PLEKHA5: variants seen among roughly 807,000 people sequenced by gnomAD.
PLEKHA5 encodes pleckstrin homology domain containing A5, also known as pleckstrin homology domain-containing family A member 5.
Under a neutral mutation model 181.9 loss-of-function variants are expected in PLEKHA5, and 55 were observed. The ratio of observed to expected loss-of-function variants is 0.30; its 90% confidence interval spans 0.24 to 0.38. The LOEUF (loss-of-function observed/expected upper bound fraction) is 0.38. PLEKHA5 is among the 10% of genes least tolerant of loss of function. PLEKHA5 has a pLI of 1.00. For synonymous variants in PLEKHA5, 535 were observed against 529.4 expected, an observed-to-expected ratio of 1.01 and a Z score of -0.15; for missense variants, 1,432 against 1,549.5, an observed-to-expected ratio of 0.92 and a Z score of 1.27.
chr12:19,148,929 A>G (rs1028017867), intron 3 of PLEKHA5, among the ~76,000 whole-genome samples: 2 of 152,180 alleles, frequency 1.3e-5, no homozygotes, highest in African/African-American at 4.8e-5. Context: ...TCTGGCTGCT[A>G]TTCCTTTCTC....
chr12:19,140,243 T>G (rs2036862412), intron 3 of PLEKHA5, among the ~76,000 whole-genome samples: 1 of 152,220 alleles, frequency 6.6e-6, no homozygotes, highest in Non-Finnish European at 1.5e-5. Flanking sequence ...ATAAATCCTC[T>G]AAGCAAAAAG....
chr12:19,244,323 CTT>C (rs1261196847), intron 3 of PLEKHA5, among the ~76,000 whole-genome samples: 4 of 151,296 alleles, frequency 2.6e-5, no homozygotes, highest in African/African-American at 4.8e-5. Flanking sequence ...TTATGGTACT[CTT>C]TTTGGTTTCA....
At chr12:19,272,659 C>A (rs1286175621) in intron 10 of PLEKHA5, among the ~76,000 whole-genome samples, 1 of 152,036 alleles carries the variant, frequency 6.6e-6, no homozygotes. Context: ...ATCACTTGAG[C>A]CCAGAAAGTT....
chr12:19,143,272 C>A (rs1470250015), intron 3 of PLEKHA5, among the ~76,000 whole-genome samples: 1 of 152,204 alleles, frequency 6.6e-6, no homozygotes, highest in Admixed American at 6.5e-5. Context: ...CTTTTTTCTG[C>A]ACCTTGCAGG....
Position 19,314,867 on chromosome 12 carries a change from G to T in PLEKHA5, c.2091G>T (p.Ser697=). 2 of 1,547,358 alleles carry T rather than the reference G, an allele frequency of 1.3e-6. No homozygotes were observed. The highest frequency in any genetic ancestry group is 1.7e-6 in the Non-Finnish European group (2 of 1,143,214). ...ITMVHTMIEN[S]ALRPQLYQQF... is the part of the protein sequence containing the mutation. ...TGGTTCACACAATGATTGAGAACTC[G>T]GCGCTAAGACCCCAACTGTACCAGC... Residue 697 remains serine, a synonymous_variant, in exon 16 of 32, where the codon TCG becomes TCT. Coordinates refer to ENST00000429027, the MANE Select transcript of PLEKHA5 (RefSeq NM_001256470.2).
chr12:19,337,548 CAAAAAAAAA>C (rs1157232818), intron 21 of PLEKHA5, among the ~76,000 whole-genome samples: 1 of 61,688 alleles, frequency 1.6e-5, no homozygotes, highest in South Asian at 5.3e-4. Flanking sequence ...GACTCTATCT[CAAAAAAAAA>C]AAAAAAAAAA....
At chr12:19,223,936 T>C (rs974930556) in intron 3 of PLEKHA5, among the ~76,000 whole-genome samples, 1 of 152,168 alleles carries the variant, frequency 6.6e-6, no homozygotes, top group Non-Finnish European at 1.5e-5. Context: ...ATACTTTGAA[T>C]ATCACTCATC....
intron 3 of PLEKHA5, among the ~76,000 whole-genome samples, chr12:19,222,166 C>T (rs186906664): frequency 3.3e-5 from 5 of 151,966 alleles, no homozygotes; most frequent in Admixed American, 3.3e-4. Flanking sequence ...TGTATACATA[C>T]TTATATATAT....
At chr12:19,349,057 CTT>C (rs916534151) in intron 25 of PLEKHA5, among the ~76,000 whole-genome samples, 3 of 138,568 alleles carry the variant, frequency 2.2e-5, no homozygotes, top group Middle Eastern at 3.7e-3. Flanking sequence ...GGAGAGTTTT[CTT>C]TTTTTTTTTT....
intron 2 of PLEKHA5, among the ~76,000 whole-genome samples, chr12:19,131,621 G>A (rs2033870413): frequency 6.6e-6 from 1 of 151,492 alleles, no homozygotes; most frequent in Non-Finnish European, 1.5e-5. Flanking sequence ...TAACCCCACA[G>A]ATTTGGTAAC....
At chr12:19,180,356 C>T (rs929958122) in intron 3 of PLEKHA5, among the ~76,000 whole-genome samples, 2 of 152,092 alleles carry the variant, frequency 1.3e-5, no homozygotes, top group Non-Finnish European at 2.9e-5. Flanking sequence ...CAGCAGAAAA[C>T]CCCTCTATTT....
At chr12:19,173,451 A>G (rs2046460185) in intron 3 of PLEKHA5, among the ~76,000 whole-genome samples, 1 of 65,052 alleles carries the variant, frequency 1.5e-5, no homozygotes, top group African/African-American at 4.2e-5. Flanking sequence ...TAGTAAAGAA[A>G]GGATTCTCCA....
intron 20 of PLEKHA5, among the ~76,000 whole-genome samples, chr12:19,328,558 A>AGT (rs56041821): frequency 0.04 from 5,635 of 141,720 alleles, 122 homozygotes; most frequent in East Asian, 0.091. Flanking sequence ...CTTTCCTAGG[A>AGT]GTGTGTGTGT....
chr12:19,309,127 A>AT (rs1408880654), intron 15 of PLEKHA5, among the ~76,000 whole-genome samples: 4 of 152,088 alleles, frequency 2.6e-5, no homozygotes, highest in African/African-American at 9.7e-5. Flanking sequence ...AATTTTTGTG[A>AT]TTTTGGTTTA....
At chr12:19,269,696 C>A in intron 8 of PLEKHA5, 74 bp from the exon 9 acceptor site, 1 of 679,150 alleles carries the variant, frequency 1.5e-6, no homozygotes, top group South Asian at 2.3e-5. Flanking sequence ...TGTCAGGAAT[C>A]ACTTACCTTT....
Position 19,130,008 on chromosome 12 carries a change from C to A in PLEKHA5, c.90-43C>A. On this transcript the variant is annotated intron_variant, in intron 1 of 31. Transcript: ENST00000429027. The surrounding 1 kb of genome is among the most constrained non-coding windows in gnomAD (Gnocchi z 4.5). ...GCAGCCCCTCGGCTCGCCCCCGCGTCCCCTCTCACGCTCCGTGTCTGCCCC... is the reference window on the plus strand; with the variant it reads ...GCAGCCCCTCGGCTCGCCCCCGCGTACCCTCTCACGCTCCGTGTCTGCCCC... 6.6e-7 allele frequency: 1 copy of A among 1,504,704 alleles called. No individual in the cohort carries two copies. The highest frequency in any genetic ancestry group is 9.0e-7 in the Non-Finnish European group (1 of 1,106,182). 93.2% of individuals were successfully genotyped at this position (1,504,704 alleles called of 1,614,324 possible).
At chr12:19,362,014 A>C (rs1164663972) in intron 29 of PLEKHA5, among the ~76,000 whole-genome samples, 2 of 151,482 alleles carry the variant, frequency 1.3e-5, no homozygotes, top group Non-Finnish European at 2.9e-5. Flanking sequence ...CTGAAAAAAA[A>C]AATTAGCCAG....
chr12:19,348,233 A>G (rs541380538), intron 24 of PLEKHA5, among the ~76,000 whole-genome samples, 166 bp from the exon 25 acceptor site: 1 of 152,228 alleles, frequency 6.6e-6, no homozygotes, highest in South Asian at 2.1e-4. Flanking sequence ...AAATTTCTCA[A>G]ATTTCTTCTT....
chr12:19,275,047 T>G, intron 11 of PLEKHA5, 64 bp downstream of exon 11: 1 of 1,063,462 alleles, frequency 9.4e-7, no homozygotes, highest in South Asian at 1.5e-5. Flanking sequence ...GGAGATTGGT[T>G]TCTGAGCTAC....
Sources: gnomAD v4.1 joint callset for allele counts (sites outside exome capture counted in the v4.1 genomes callset) on GRCh38, gnomAD v4.1.1 for gene constraint, Gnocchi (gnomAD v3.1) non-coding constraint, MANE v1.5 for transcripts, NCBI Gene and HGNC (gene_info 2026-07-23, HGNC 2026-07-21) for gene names.